Variants in MTA3 observed in about 807,000 individuals in gnomAD.
MTA3 encodes metastasis associated 1 family member 3.
Under a neutral mutation model 83.5 loss-of-function variants are expected in MTA3, and 34 were observed. The observed-to-expected ratio is 0.41, with a 90% CI of 0.31 to 0.54. The LOEUF (loss-of-function observed/expected upper bound fraction) is 0.54, where lower values mean the gene tolerates loss of function less well. MTA3 is among the 20% of genes least tolerant of loss of function. The probability of loss-of-function intolerance (pLI) is 0.33; values close to 1 mark genes in which losing one functional copy is unlikely to be tolerated. For missense variants in MTA3, 761 were observed against 726.4 expected (o/e 1.05, Z -0.55); for synonymous variants, 303 against 252.7 (o/e 1.20, Z -1.89).
chr2:42,527,501 G>A (rs1402195562), intron 2 of MTA3, among the ~76,000 whole-genome samples: 3 of 152,036 alleles, frequency 2.0e-5, no homozygotes, highest in African/African-American at 7.2e-5. Flanking sequence ...CAATAGCAAT[G>A]AACAAAATCA....
intron 8 of MTA3, among the ~76,000 whole-genome samples, chr2:42,675,296 C>A (rs995997067): frequency 2.0e-5 from 3 of 151,990 alleles, no homozygotes. Flanking sequence ...CCACCACACC[C>A]AGCTAATTTT....
chr2:42,635,360 G>T (rs576304907), intron 4 of MTA3, among the ~76,000 whole-genome samples: 17 of 152,128 alleles, frequency 1.1e-4, no homozygotes, highest in African/African-American at 2.4e-5. Context: ...GGGCAAAGTG[G>T]CTCATGTCTG....
At chr2:42,569,188 TG>T (rs567118685) in intron 1 of MTA3, among the ~76,000 whole-genome samples, 19 of 24,748 alleles carry the variant, frequency 7.7e-4, no homozygotes, top group Non-Finnish European at 1.8e-3. Context: ...AGTGGGAGCC[TG>T]GGGTGGGGGT....
chr2:42,686,088 A>T (rs1431764723), intron 9 of MTA3, among the ~76,000 whole-genome samples: 3 of 152,182 alleles, frequency 2.0e-5, no homozygotes, highest in African/African-American at 4.8e-5. Flanking sequence ...CAACTGTGTC[A>T]TAATGGTGAG....
intron 8 of MTA3, chr2:42,680,132 C>G (rs1691737049): frequency 6.5e-6 from 1 of 153,076 alleles, no homozygotes; most frequent in South Asian, 2.1e-4. Flanking sequence ...GGAAGCACTT[C>G]TATTTCTGGA....
intron 2 of MTA3, among the ~76,000 whole-genome samples, chr2:42,526,249 G>C (rs1675703795): frequency 6.6e-6 from 1 of 151,810 alleles, no homozygotes; most frequent in Non-Finnish European, 1.5e-5. Context: ...TTTTGTTTTT[G>C]AGACAGGGTC....
chr2:42,576,762 T>A (rs980335848), intron 2 of MTA3, among the ~76,000 whole-genome samples: 1 of 152,088 alleles, frequency 6.6e-6, no homozygotes, highest in Non-Finnish European at 1.5e-5. Flanking sequence ...CCGGGCATGG[T>A]GGCGCATGCC....
intron 3 of MTA3, among the ~76,000 whole-genome samples, chr2:42,605,156 G>T (rs1573207304): frequency 6.7e-6 from 1 of 148,752 alleles, no homozygotes; most frequent in South Asian, 2.1e-4. Context: ...CCCAGTAGGG[G>T]CGGCCGGGCA....
intron 4 of MTA3, among the ~76,000 whole-genome samples, chr2:42,626,877 A>T (rs1035000043): frequency 3.3e-5 from 5 of 151,550 alleles, no homozygotes; most frequent in Admixed American, 1.3e-4. Context: ...AGTAGTTGGG[A>T]TTACAGGCCT....
Position 42,753,844 on chromosome 2 carries a change from C to G in MTA3, c.*445C>G, listed in dbSNP as rs901703399. 8.1e-6 allele frequency: 8 copies of G among 991,092 alleles called. No homozygotes were observed. Among genetic ancestry groups the G allele is most frequent in the Non-Finnish European group, 1.2e-6 (1 of 834,002 alleles). 61.4% of individuals were successfully genotyped at this position (991,092 alleles called of 1,614,324 possible). A position where few individuals can be genotyped will look rare whatever the true frequency, so the allele number is the denominator to read the frequency against. On this transcript the variant is annotated 3_prime_UTR_variant, in exon 17 of 17. Coordinates refer to ENST00000405094, the MANE Select transcript of MTA3 (RefSeq NM_001330442.2). ...TGTACAGGAGGGCCATGGCATCTTT[C>G]TGAATGGATTTTTCTTAAGAAATGC...
chr2:42,756,875 TTGTC>T lies in MTA3; in HGVS notation c.*3484_*3487del, dbSNP rs1670276815. On this transcript the variant is annotated 3_prime_UTR_variant, in exon 17 of 17. Coordinates refer to ENST00000405094, the MANE Select transcript of MTA3 (RefSeq NM_001330442.2). Reference sequence around the variant, plus strand: ...TCTGAGCATGATACCACAGTGTGGATTGTCTGTCTGTAAGGAGATGCCATCTACT... The same window carrying T: ...TCTGAGCATGATACCACAGTGTGGATTGTCTGTAAGGAGATGCCATCTACT... 2 of 985,308 alleles carry T rather than the reference TTGTC, an allele frequency of 2.0e-6. No homozygotes were observed. The highest frequency in any genetic ancestry group is 3.5e-5 in the African/African-American group (2 of 57,220). The allele number at this position is 985,308 out of a possible 1,614,324, so 61.0% of individuals were successfully genotyped here.
intron 8 of MTA3, among the ~76,000 whole-genome samples, chr2:42,669,658 G>T (rs1195806256): frequency 6.6e-6 from 1 of 152,122 alleles, no homozygotes; most frequent in African/African-American, 2.4e-5. Context: ...TCTTTTTGTT[G>T]ATGATCTATT....
At chr2:42,525,688 C>T (rs1322899629) in intron 2 of MTA3, among the ~76,000 whole-genome samples, 2 of 149,742 alleles carry the variant, frequency 1.3e-5, no homozygotes, top group African/African-American at 2.5e-5. Context: ...GATGAGGTCT[C>T]GCTCCCTCAT....
intron 9 of MTA3, among the ~76,000 whole-genome samples, chr2:42,683,027 C>T (rs949824549): frequency 6.6e-6 from 1 of 152,164 alleles, no homozygotes; most frequent in African/African-American, 2.4e-5. Flanking sequence ...GCCGAGATGG[C>T]ACCACTGCAC....
intron 8 of MTA3, among the ~76,000 whole-genome samples, chr2:42,662,457 T>C (rs2104381050): frequency 6.6e-6 from 1 of 151,862 alleles, no homozygotes; most frequent in South Asian, 2.1e-4. Flanking sequence ...ATCTAATTTT[T>C]CTCATATATT....
At position 42,668,002 on chromosome 2, in the gene MTA3, G is replaced by A. The variant is rs111475409; in HGVS notation, c.702+8140G>A. The stretch of plus-strand genomic sequence containing the variant: ...TCATGTATGATCCGTGTAGCCCGGC[G>A]CAAGTTACTTAACCTACCTTTGTCT... On this transcript the variant is annotated intron_variant, in intron 8 of 16. Coordinates refer to ENST00000405094, the MANE Select transcript of MTA3 (RefSeq NM_001330442.2). Among the ~76,000 whole-genome samples the A allele has an allele frequency of 7.4e-3, 1,131 of 152,264 alleles. 10 individuals are homozygous for A. Among genetic ancestry groups the A allele is most frequent in the Non-Finnish European group, 0.013 (878 of 68,018 alleles).
Position 42,709,035 on chromosome 2 carries a change from G to C in MTA3, c.1464G>C (p.Arg488=). The C allele has an allele frequency of 6.2e-7, 1 of 1,613,840 alleles. No individual in the cohort carries two copies. Among genetic ancestry groups the C allele is most frequent in the Non-Finnish European group, 8.5e-7 (1 of 1,179,812 alleles). The change falls in exon 14 of 17, where the codon CGG becomes CGC. Residue 488 remains arginine, a synonymous_variant. Transcript: ENST00000405094. ...FARQVCKNTL[R]LRQAARRPFV... ...GTCAGGTCTGCAAAAATACCCTCCG[G>C]CTGCGGCAGGCAGCAAGACGGCCGT...
At chr2:42,658,605 A>G (rs918662551) in intron 7 of MTA3, among the ~76,000 whole-genome samples, 3 of 152,182 alleles carry the variant, frequency 2.0e-5, no homozygotes, top group Non-Finnish European at 2.9e-5. Context: ...CTGTGGTGCT[A>G]TAATCCAGGG....
At chr2:42,671,091 G>A (rs1043002999) in intron 8 of MTA3, among the ~76,000 whole-genome samples, 2 of 151,908 alleles carry the variant, frequency 1.3e-5, no homozygotes, top group African/African-American at 2.4e-5. Flanking sequence ...GTCTTTCTTT[G>A]TGTTTTATGA....
Sources: allele counts gnomAD v4.1 joint callset (sites outside exome capture counted in the v4.1 genomes callset), GRCh38; gene constraint gnomAD v4.1.1; transcripts MANE v1.5; gene names NCBI Gene and HGNC (gene_info 2026-07-23, HGNC 2026-07-21).